Variants in LINC00305 observed in about 807,000 individuals in gnomAD.
LINC00305 encodes long intergenic non-protein coding RNA 305.
chr18:64,104,388 T>G (rs1200778664), intron 1 of LINC00305, among the ~76,000 whole-genome samples: 3 of 152,228 alleles, frequency 2.0e-5, no homozygotes, highest in Non-Finnish European at 4.4e-5. Flanking sequence ...GACTTCAGCT[T>G]AATTTTGAGG....
At chr18:64,107,899 T>A (rs2051298071) in intron 1 of LINC00305, among the ~76,000 whole-genome samples, 2 of 152,124 alleles carry the variant, frequency 1.3e-5, no homozygotes. Flanking sequence ...CGAGCAGGGT[T>A]CTCCAGAACA....
At chr18:64,122,951 C>T (rs2051368590) in intron 1 of LINC00305, among the ~76,000 whole-genome samples, 1 of 151,934 alleles carries the variant, frequency 6.6e-6, no homozygotes, top group Non-Finnish European at 1.5e-5. Context: ...TTTTTTGTAG[C>T]TATTGTAAAT....
chr18:64,095,624 A>G (rs998545450), intron 3 of LINC00305, among the ~76,000 whole-genome samples: 2 of 152,256 alleles, frequency 1.3e-5, no homozygotes, highest in African/African-American at 4.8e-5. Flanking sequence ...GCATTTCATC[A>G]TTAAAGAACA....
chr18:64,130,615 A>G (rs1353300482), intron 1 of LINC00305, among the ~76,000 whole-genome samples: 1 of 152,210 alleles, frequency 6.6e-6, no homozygotes, highest in African/African-American at 2.4e-5. Context: ...TAACTGAAAT[A>G]AAAGTTTGAA....
At chr18:64,098,241 C>T (rs2051254104) in intron 2 of LINC00305, among the ~76,000 whole-genome samples, 1 of 152,166 alleles carries the variant, frequency 6.6e-6, no homozygotes, top group African/African-American at 2.4e-5. Flanking sequence ...GTAAGCGATT[C>T]ATAAACCTGA....
intron 1 of LINC00305, among the ~76,000 whole-genome samples, chr18:64,133,881 T>C (rs986428161): frequency 6.6e-6 from 1 of 152,154 alleles, no homozygotes; most frequent in Admixed American, 6.5e-5. Flanking sequence ...AAACATTCAG[T>C]TTTCCCTTTT....
Position 64,137,163 on chromosome 18 carries a change from T to C in LINC00305, n.314+11612A>G, listed in dbSNP as rs556601801. 2.6e-5 allele frequency among the ~76,000 whole-genome samples: 4 copies of C among 152,262 alleles called. No homozygotes were observed. The East Asian group carries it at 7.7e-4, about 29-fold the overall frequency. On this transcript the variant is annotated intron_variant and non_coding_transcript_variant, in intron 1 of 3. Transcript: ENST00000666468. ...ACACACAGACACAACAAGAGCACCA[T>C]GTGATGCTGAGGAGGAAACTGGAGT...
intron 1 of LINC00305, among the ~76,000 whole-genome samples, chr18:64,114,194 A>T (rs1419664093): frequency 6.6e-6 from 1 of 152,128 alleles, no homozygotes; most frequent in East Asian, 1.9e-4. Flanking sequence ...GGCGTGAACC[A>T]GAGAGGCGGA....
At chr18:64,143,617 C>CGT (rs2051478663) in intron 1 of LINC00305, among the ~76,000 whole-genome samples, 8 of 115,058 alleles carry the variant, frequency 7.0e-5, no homozygotes, top group Non-Finnish European at 1.3e-4. Flanking sequence ...TACATATGTA[C>CGT]ACATATGTAT....
chr18:64,138,443 C>G (rs2051445320), intron 1 of LINC00305, among the ~76,000 whole-genome samples: 1 of 152,140 alleles, frequency 6.6e-6, no homozygotes, highest in South Asian at 2.1e-4. Context: ...AGTCAAGCAC[C>G]TTATTATGGA....
chr18:64,090,756 A>G (rs558209944), intron 3 of LINC00305, among the ~76,000 whole-genome samples: 2 of 152,330 alleles, frequency 1.3e-5, no homozygotes, highest in South Asian at 2.1e-4. Context: ...AAAAATGTAA[A>G]TTATCTGCCT....
intron 1 of LINC00305, among the ~76,000 whole-genome samples, chr18:64,143,543 G>GTATGTACACGTATTATGTA (rs2051475336): frequency 8.4e-6 from 1 of 118,936 alleles, no homozygotes; most frequent in Non-Finnish European, 1.8e-5. Flanking sequence ...ACATATATAT[G>GTATGTACACGTATTATGTA]TACACATATT....
chr18:64,126,459 T>C (rs2051385687), intron 1 of LINC00305, among the ~76,000 whole-genome samples: 1 of 152,104 alleles, frequency 6.6e-6, no homozygotes. Flanking sequence ...AAATAGGCAT[T>C]ATTAGGCCCC....
intron 3 of LINC00305, among the ~76,000 whole-genome samples, chr18:64,082,526 C>G (rs2051188965): frequency 1.3e-5 from 2 of 152,292 alleles, no homozygotes; most frequent in Middle Eastern, 3.4e-3. Context: ...TAAATAGGCT[C>G]TATCTGGGCA....
intron 1 of LINC00305, among the ~76,000 whole-genome samples, chr18:64,117,058 C>T (rs1267605522): frequency 6.6e-6 from 1 of 152,158 alleles, no homozygotes; most frequent in Non-Finnish European, 1.5e-5. Flanking sequence ...GCCTCAGGCC[C>T]CTAGTCCTTG....
chr18:64,099,545 A>G (rs925581318), intron 1 of LINC00305, among the ~76,000 whole-genome samples: 14 of 152,030 alleles, frequency 9.2e-5, no homozygotes, highest in Non-Finnish European at 1.9e-4. Context: ...AAATGATCTC[A>G]CTCCTGAAAA....
intron 3 of LINC00305, among the ~76,000 whole-genome samples, chr18:64,089,749 G>A (rs951284203): frequency 3.8e-4 from 58 of 152,302 alleles, no homozygotes; most frequent in African/African-American, 1.3e-3. Context: ...ACGGTGGAAG[G>A]CAAGGAGGAG....
intron 1 of LINC00305, among the ~76,000 whole-genome samples, chr18:64,125,642 T>C (rs559533388): frequency 6.6e-6 from 1 of 152,198 alleles, no homozygotes; most frequent in South Asian, 2.1e-4. Context: ...TATCTTTCTG[T>C]CTCTTAAATT....
chr18:64,119,654 A>G (rs964122681), intron 1 of LINC00305, among the ~76,000 whole-genome samples: 1 of 152,120 alleles, frequency 6.6e-6, no homozygotes, highest in East Asian at 1.9e-4. Flanking sequence ...CTATTATATG[A>G]TTCCTTATAG....
Sources: allele counts gnomAD v4.1 joint callset (sites outside exome capture counted in the v4.1 genomes callset), GRCh38; gene constraint gnomAD v4.1.1; transcripts MANE v1.5; gene names NCBI Gene and HGNC (gene_info 2026-07-23, HGNC 2026-07-21).